HDGFL3: variants seen among roughly 807,000 people sequenced by gnomAD.
HDGFL3 encodes the protein HDGF like 3.
In HDGFL3, 6 loss-of-function variants were observed where a neutral mutation model predicts 27.6. The ratio of observed to expected loss-of-function variants is 0.22; its 90% CI spans 0.12 to 0.43. The LOEUF is 0.43. Among genes scored for constraint, HDGFL3 ranks in the 20% least tolerant of loss-of-function variants. The pLI, the probability that HDGFL3 is intolerant of heterozygous loss-of-function variation, is 1.00. For missense variants in HDGFL3, 207 were observed against 250.1 expected, an observed-to-expected ratio of 0.83 and a Z score of 1.16; for synonymous variants, 88 against 88.9, an observed-to-expected ratio of 0.99 and a Z score of 0.05.
chr15:83,113,164 A>G lies in HDGFL3; in HGVS notation c.*2545T>C, dbSNP rs2034350496. ...ACCCTGCCAACCCCAGCATGCTTTG[A>G]CCTCTGACCTCTGACCTCGACTCTC... On this transcript the variant is annotated 3_prime_UTR_variant, in exon 4 of 4. Transcript: ENST00000568294. The G allele has an allele frequency of 5.9e-6, 3 of 509,570 alleles. No homozygotes were observed. The South Asian group carries it at 6.5e-5, about 11-fold the overall frequency. The allele number at this position is 509,570 out of a possible 1,614,324, so 31.6% of individuals were successfully genotyped here.
At chr15:83,164,204 A>G (rs2037135056) in intron 1 of HDGFL3, 129 bp from the exon 2 acceptor site, 1 of 629,488 alleles carries the variant, frequency 1.6e-6, no homozygotes, top group Non-Finnish European at 2.6e-6. Context: ...AGAACTTTAC[A>G]AAATGATTCT....
chr15:83,127,220 T>TA (rs59121495), downstream of HDGFL3: 43,420 of 641,136 alleles, frequency 0.068, 593 homozygotes, highest in African/African-American at 0.15. Context: ...AAAATAAAAG[T>TA]AAAAAAAAAA....
At chr15:83,180,209 G>A (rs760435658) in intron 1 of HDGFL3, among the ~76,000 whole-genome samples, 4 of 152,142 alleles carry the variant, frequency 2.6e-5, no homozygotes, top group Non-Finnish European at 4.4e-5. Context: ...AATCCCTGCT[G>A]TGGTGGGGAA....
intron 1 of HDGFL3, among the ~76,000 whole-genome samples, chr15:83,167,328 G>C (rs577841046): frequency 6.6e-6 from 1 of 152,320 alleles, no homozygotes; most frequent in African/African-American, 2.4e-5. Flanking sequence ...AGCCGAGGCA[G>C]GGGGATCACC....
At chr15:83,112,760 T>C (rs2034302491) in exon 4 of HDGFL3, 4 of 1,462,506 alleles carry the variant, frequency 2.7e-6, no homozygotes, top group African/African-American at 1.4e-5. Flanking sequence ...ATGTGTTTAT[T>C]TTGATAGTGA....
At position 83,207,554 on chromosome 15, in the gene HDGFL3, C is replaced by G. The variant is rs2037740175; in HGVS notation, c.-140G>C. The G allele has an allele frequency of 1.9e-6, 1 of 536,394 alleles. No individual in the cohort carries two copies. The highest frequency in any genetic ancestry group is 4.6e-5 in the Admixed American group (1 of 21,798). The allele number at this position is 536,394 out of a possible 1,614,324, so 33.2% of individuals were successfully genotyped here. A position where few individuals can be genotyped will look rare whatever the true frequency, so the allele number is the denominator to read the frequency against. ...GAGCGGCCGCTCCGACGAGGGGAAG[C>G]GGCGAGGCGGCGGCTGAGGCAAGGG... is the stretch of plus-strand genomic sequence containing the variant. On this transcript the variant is annotated 5_prime_UTR_variant, in exon 1 of 6. Coordinates refer to ENST00000299633, the MANE Select transcript of HDGFL3 (RefSeq NM_016073.4). The surrounding 1 kb of genome is among the most constrained non-coding windows in gnomAD (Gnocchi z 4.8).
rs111940395 is a variant in HDGFL3 at position 83,175,728 on chromosome 15, C to T, written c.85-11653G>A. On this transcript the variant is annotated intron_variant, in intron 1 of 5. Coordinates refer to ENST00000299633, the MANE Select transcript of HDGFL3 (RefSeq NM_016073.4). ...ACAAAAAATTAGCCCGGTGTGGTGG[C>T]GGGCACCTGTAGTCCCAGCTACTCG... Among the ~76,000 whole-genome samples, 133 of 152,142 alleles carry T rather than the reference C, an allele frequency of 8.7e-4. 1 individual carries two copies. The highest frequency in any genetic ancestry group is 3.0e-3 in the African/African-American group (125 of 41,518).
rs146679264 is a variant in HDGFL3 at position 83,121,721 on chromosome 15, A to G, written c.394-5980T>C. Reference sequence around the variant, plus strand: ...TAATTTCCTATTTAAAAGGACACGAAGAAGGTTCTATAGTATATCACATGG... The same window carrying G: ...TAATTTCCTATTTAAAAGGACACGAGGAAGGTTCTATAGTATATCACATGG... On this transcript the variant is annotated intron_variant, in intron 3 of 3. Transcript: ENST00000568294. 5.9e-5 allele frequency among the ~76,000 whole-genome samples: 9 copies of G among 152,364 alleles called. No homozygotes were observed. In the East Asian group the frequency reaches 1.7e-3, roughly 29 times the overall value.
At chr15:83,168,971 T>A (rs1212849063) in intron 1 of HDGFL3, among the ~76,000 whole-genome samples, 4 of 152,076 alleles carry the variant, frequency 2.6e-5, no homozygotes, top group Admixed American at 6.5e-5. Flanking sequence ...TGGTTCAACA[T>A]ATAAAAATCA....
downstream of HDGFL3, among the ~76,000 whole-genome samples, chr15:83,123,875 C>G (rs970448696): frequency 2.0e-5 from 3 of 152,360 alleles, no homozygotes; most frequent in Non-Finnish European, 2.9e-5. Flanking sequence ...CAGGGCCAAG[C>G]AGGCATTGTC....
intron 1 of HDGFL3, among the ~76,000 whole-genome samples, chr15:83,182,005 G>T (rs1171477429): frequency 6.6e-6 from 1 of 152,092 alleles, no homozygotes; most frequent in Admixed American, 6.6e-5. Flanking sequence ...TCATTATTTG[G>T]TAATGTGATA....
intron 1 of HDGFL3, among the ~76,000 whole-genome samples, chr15:83,198,907 T>C (rs2037603646): frequency 2.0e-5 from 3 of 152,168 alleles, no homozygotes; most frequent in Admixed American, 1.3e-4. Flanking sequence ...ACATGAGTTT[T>C]GGAGGGGACA....
At chr15:83,115,785 A>G (rs181206402) in intron 3 of HDGFL3, 3 of 1,113,662 alleles carry the variant, frequency 2.7e-6, no homozygotes, top group East Asian at 2.3e-5. Flanking sequence ...GCTGATGCCA[A>G]GCTTGTAGTA....
chr15:83,176,318 A>G, intron 1 of HDGFL3, among the ~76,000 whole-genome samples: 1 of 152,242 alleles, frequency 6.6e-6, no homozygotes, highest in East Asian at 1.9e-4. Context: ...TAATTGGTTT[A>G]TAGATGTCGG....
intron 1 of HDGFL3, chr15:83,181,037 CTGAGT>C (rs1157430390): frequency 1.3e-5 from 2 of 152,066 alleles, no homozygotes; most frequent in Admixed American, 6.5e-5. Context: ...AAATATCAGG[CTGAGT>C]TATCTTCAAA....
At chr15:83,176,637 C>T (rs920406671) in intron 1 of HDGFL3, among the ~76,000 whole-genome samples, 1 of 152,008 alleles carries the variant, frequency 6.6e-6, no homozygotes, top group Non-Finnish European at 1.5e-5. Context: ...ATTCTCAGTC[C>T]AAAACAAAGG....
chr15:83,163,905 A>AT, intron 2 of HDGFL3, 94 bp downstream of exon 2: 2 of 820,954 alleles, frequency 2.4e-6, no homozygotes, highest in Non-Finnish European at 4.1e-6. Flanking sequence ...GATTATAATG[A>AT]TTTTAATAAG....
chr15:83,141,238 T>C (rs1697643864), intron 5 of HDGFL3, among the ~76,000 whole-genome samples: 1 of 152,152 alleles, frequency 6.6e-6, no homozygotes, highest in Admixed American at 6.5e-5. Context: ...TGCACCCCTA[T>C]ATTAGATAAT....
chr15:83,197,147 T>C (rs1347375534), intron 1 of HDGFL3, among the ~76,000 whole-genome samples: 2 of 152,200 alleles, frequency 1.3e-5, no homozygotes, highest in African/African-American at 4.8e-5. Flanking sequence ...ACCAAAGGCT[T>C]TGTCCTTCCC....
Sources: allele counts gnomAD v4.1 joint callset (sites outside exome capture counted in the v4.1 genomes callset), GRCh38; gene constraint gnomAD v4.1.1; non-coding constraint Gnocchi (gnomAD v3.1); transcripts MANE v1.5; gene names NCBI Gene and HGNC (gene_info 2026-07-23, HGNC 2026-07-21).